CRISPLD2: variants seen among roughly 807,000 people sequenced by gnomAD.
CRISPLD2 encodes the protein cysteine-rich secretory protein LCCL domain-containing 2.
CRISPLD2 carries 47 observed loss-of-function variants against 71.1 expected under a neutral mutation model. The observed-to-expected ratio is 0.66, with a 90% confidence interval of 0.52 to 0.84. The LOEUF is 0.84. CRISPLD2 is among the 40% of genes least tolerant of loss of function. The pLI is 0.00. For missense variants in CRISPLD2, 830 were observed against 651.1 expected (o/e 1.27, Z -2.99); for synonymous variants, 317 against 250.1 (o/e 1.27, Z -2.52).
At chr16:84,882,277 A>C (rs1008977530) in intron 13 of CRISPLD2, among the ~76,000 whole-genome samples, 2 of 151,806 alleles carry the variant, frequency 1.3e-5, no homozygotes, top group African/African-American at 4.8e-5. Flanking sequence ...AATGGCACAG[A>C]AGATACAATT....
chr16:84,823,375 TG>T (rs1295775769), intron 1 of CRISPLD2, among the ~76,000 whole-genome samples: 1 of 152,224 alleles, frequency 6.6e-6, no homozygotes, highest in Non-Finnish European at 1.5e-5. Flanking sequence ...AGTGTTTACC[TG>T]GGAGGGAATT....
At chr16:84,835,442 G>C (rs1916595237) in intron 1 of CRISPLD2, among the ~76,000 whole-genome samples, 1 of 152,230 alleles carries the variant, frequency 6.6e-6, no homozygotes, top group African/African-American at 2.4e-5. Flanking sequence ...AATGTAGTAG[G>C]AGCCATCCAG....
chr16:84,858,392 C>G (rs796759911), intron 6 of CRISPLD2, among the ~76,000 whole-genome samples: 17 of 152,324 alleles, frequency 1.1e-4, no homozygotes, highest in African/African-American at 4.1e-4. Context: ...CGTTGTGCCT[C>G]TTTCTTGATT....
intron 1 of CRISPLD2, among the ~76,000 whole-genome samples, chr16:84,822,539 G>C (rs1032763829): frequency 6.6e-6 from 1 of 152,184 alleles, no homozygotes; most frequent in South Asian, 2.1e-4. Flanking sequence ...GACTCAGGAG[G>C]CTTTTTCTTT....
rs536633720 is a variant in CRISPLD2, at chr16:84,892,291, T to C, written c.1439+2928T>C. Among the ~76,000 whole-genome samples the C allele has an allele frequency of 2.0e-5, 3 of 152,258 alleles. No homozygotes were observed. The East Asian group carries it at 5.8e-4, about 29-fold the overall frequency. On this transcript the variant is annotated intron_variant, in intron 14 of 14. Coordinates refer to ENST00000262424, the MANE Select transcript of CRISPLD2 (RefSeq NM_031476.4). ...GCCCAGCAGCCTGCGTCTGAGCAGGTCCTCGGGGGCATCGTGCTGCATGCT... is the reference window on the plus strand; with the variant it reads ...GCCCAGCAGCCTGCGTCTGAGCAGGCCCTCGGGGGCATCGTGCTGCATGCT...
intron 5 of CRISPLD2, among the ~76,000 whole-genome samples, chr16:84,851,954 C>T (rs1917101329): frequency 6.6e-6 from 1 of 152,188 alleles, no homozygotes; most frequent in South Asian, 2.1e-4. Flanking sequence ...GAGGCCACAG[C>T]CTGGGCAGCT....
chr16:84,866,949 G>T lies in CRISPLD2; in HGVS notation c.762G>T (p.Thr254=), dbSNP rs775651806. ...CGGACGAGATGAATGAGGTGGAAAC[G>T]GCTCCCATTCCTGAAGAAAACCATG... ...PETDEMNEVE[T]APIPEENHVW... is the part of the protein sequence containing the mutation. The change falls in exon 7 of 15, where the codon ACG becomes ACT. Residue 254 remains threonine (T), a synonymous_variant. Coordinates refer to ENST00000262424, the MANE Select transcript of CRISPLD2 (RefSeq NM_031476.4). 1 of 1,613,826 alleles carries T rather than the reference G, an allele frequency of 6.2e-7. No homozygotes were observed. Among genetic ancestry groups the T allele is most frequent in the South Asian group, 1.1e-5 (1 of 91,082 alleles).
chr16:84,841,278 G>A (rs950879661), intron 2 of CRISPLD2, among the ~76,000 whole-genome samples: 1 of 152,148 alleles, frequency 6.6e-6, no homozygotes, highest in African/African-American at 2.4e-5. Flanking sequence ...TGCAGGGAAG[G>A]GTGTTCTGGG....
intron 14 of CRISPLD2, among the ~76,000 whole-genome samples, chr16:84,890,084 C>T (rs1471087566): frequency 1.3e-5 from 2 of 152,064 alleles, no homozygotes; most frequent in African/African-American, 4.8e-5. Context: ...AGTGGCTGGG[C>T]GTGGTGGCTC....
chr16:84,851,607 C>T (rs1413878353), intron 5 of CRISPLD2, among the ~76,000 whole-genome samples: 1 of 152,188 alleles, frequency 6.6e-6, no homozygotes, highest in Non-Finnish European at 1.5e-5. Flanking sequence ...ATCTGGTGTG[C>T]CTGCGGTGGC....
rs111313372 is a variant in CRISPLD2, at chr16:84,849,641, T to A, written c.492+124T>A. The A allele has an allele frequency of 6.6e-4, 693 of 1,056,748 alleles. 3 individuals carry two copies. The African/African-American group carries it at 9.8e-3, about 15-fold the overall frequency. 65.5% of individuals were successfully genotyped at this position (1,056,748 alleles called of 1,614,324 possible). A position where few individuals can be genotyped will look rare whatever the true frequency, so the allele number is the denominator to read the frequency against. On this transcript the variant is annotated intron_variant, in intron 4 of 14. Transcript: ENST00000262424. ...TGTTGTTGCCTTCATTTTTAAAAATTCAGTTCTATACAGAGTACAGCTGGG... is the reference window on the plus strand; with the variant it reads ...TGTTGTTGCCTTCATTTTTAAAAATACAGTTCTATACAGAGTACAGCTGGG...
chr16:84,844,958 G>C (rs537623447), intron 2 of CRISPLD2, among the ~76,000 whole-genome samples: 1 of 152,154 alleles, frequency 6.6e-6, no homozygotes, highest in African/African-American at 2.4e-5. Context: ...GGGTAACTGC[G>C]TGCCTAGGTT....
chr16:84,900,194 C>A (rs2071741049), intron 14 of CRISPLD2, among the ~76,000 whole-genome samples: 1 of 152,060 alleles, frequency 6.6e-6, no homozygotes, highest in African/African-American at 2.4e-5. Flanking sequence ...CCATCTGATA[C>A]ACGTTTCAAA....
intron 13 of CRISPLD2, among the ~76,000 whole-genome samples, chr16:84,882,397 C>T (rs1362112033): frequency 8.0e-6 from 1 of 124,826 alleles, no homozygotes; most frequent in Non-Finnish European, 1.7e-5. Flanking sequence ...ATATTTGCAA[C>T]AATAGAAGGC....
chr16:84,899,801 G>T (rs1050006585), intron 14 of CRISPLD2, among the ~76,000 whole-genome samples: 1 of 152,128 alleles, frequency 6.6e-6, no homozygotes, highest in Admixed American at 6.6e-5. Context: ...TCCCTTGGTT[G>T]TTTGGGGCCC....
chr16:84,838,935 C>G (rs1456229846), intron 2 of CRISPLD2, 200 bp downstream of exon 2: 1 of 761,024 alleles, frequency 1.3e-6, no homozygotes, highest in Non-Finnish European at 2.3e-6. Context: ...GCCACTGACG[C>G]TGGAGTGCAA....
chr16:84,843,122 G>T (rs1916819987), intron 2 of CRISPLD2, among the ~76,000 whole-genome samples: 1 of 152,176 alleles, frequency 6.6e-6, no homozygotes, highest in Non-Finnish European at 1.5e-5. Flanking sequence ...TTTCAGGATT[G>T]GAGCTGGGAT....
At chr16:84,882,623 T>G (rs896991322) in intron 13 of CRISPLD2, among the ~76,000 whole-genome samples, 3 of 152,188 alleles carry the variant, frequency 2.0e-5, no homozygotes, top group Admixed American at 6.5e-5. Flanking sequence ...CAGGCTGGTC[T>G]CGAACCCCTG....
intron 14 of CRISPLD2, among the ~76,000 whole-genome samples, chr16:84,896,161 C>A (rs1330866043): frequency 6.6e-6 from 1 of 151,948 alleles, no homozygotes. Context: ...CCTCAGCCTC[C>A]CAGGTAGCTG....
Sources: allele counts gnomAD v4.1 joint callset (sites outside exome capture counted in the v4.1 genomes callset), GRCh38; gene constraint gnomAD v4.1.1; transcripts MANE v1.5; gene names NCBI Gene and HGNC (gene_info 2026-07-23, HGNC 2026-07-21).